Variants in ZNF644 observed in about 807,000 individuals in gnomAD.
ZNF644 encodes zinc finger motif enhancer binding protein 2.
In ZNF644, 20 loss-of-function variants were observed where a neutral mutation model predicts 108.0. That is an observed-to-expected ratio of 0.19 (90% CI 0.13 to 0.27). ZNF644 has a LOEUF of 0.27. Ranked by LOEUF, ZNF644 falls within the 10% of genes least tolerant of loss-of-function variation. The pLI, the probability that ZNF644 is intolerant of heterozygous loss-of-function variation, is 1.00. For synonymous variants in ZNF644, 542 were observed against 539.1 expected (o/e 1.01, Z -0.08); for missense variants, 1,338 against 1,548.9 (o/e 0.86, Z 2.29).
chr1:90,953,748 C>T (rs1339185071), intron 2 of ZNF644, among the ~76,000 whole-genome samples: 2 of 151,884 alleles, frequency 1.3e-5, no homozygotes, highest in African/African-American at 4.8e-5. Context: ...AATCCCATCT[C>T]TACTAAAAAT....
At chr1:90,923,133 G>T (rs535490256) in intron 4 of ZNF644, among the ~76,000 whole-genome samples, 1 of 151,898 alleles carries the variant, frequency 6.6e-6, no homozygotes, top group Admixed American at 6.6e-5. Context: ...CAGCTTCATG[G>T]GTGTCCAACT....
intron 1 of ZNF644, chr1:91,021,690 T>A (rs1270884509): frequency 7.8e-5 from 5 of 64,446 alleles, no homozygotes; most frequent in Non-Finnish European, 1.1e-4. Context: ...GCCGCTCACC[T>A]CAGGCTCCGT....
rs1230698533 is a variant in ZNF644 at position 90,937,737 on chromosome 1, C to T, written c.3436G>A (p.Gly1146Arg). Residue 1146 changes from glycine (G) to arginine (R), a missense_variant, in exon 4 of 6, where the codon GGG becomes AGG. Coordinates refer to ENST00000337393, the MANE Select transcript of ZNF644 (RefSeq NM_201269.3). ...ALSVSASEEE[G>R]LNFLNEYDET... Reference sequence around the variant, plus strand: ...TCATATTCATTTAAGAAATTCAGCCCTTCTTCTTCTGATGCAGACACTGAC... The same window carrying T: ...TCATATTCATTTAAGAAATTCAGCCTTTCTTCTTCTGATGCAGACACTGAC... The T allele has an allele frequency of 6.2e-7, 1 of 1,613,608 alleles. No individual in the cohort carries two copies. The highest frequency in any genetic ancestry group is 1.7e-5 in the Admixed American group (1 of 59,962).
intron 1 of ZNF644, chr1:91,020,710 T>C (rs1297823655): frequency 6.6e-6 from 1 of 152,240 alleles, no homozygotes; most frequent in Non-Finnish European, 1.5e-5. Context: ...TGAAATGTTT[T>C]CCTTCTCATG....
chr1:90,921,461 T>C (rs1426077241), intron 4 of ZNF644, among the ~76,000 whole-genome samples: 1 of 152,048 alleles, frequency 6.6e-6, no homozygotes, highest in Non-Finnish European at 1.5e-5. Context: ...CTTTACAAAG[T>C]ATTTTAAATC....
intron 1 of ZNF644, among the ~76,000 whole-genome samples, chr1:91,017,831 C>T (rs994385673): frequency 6.6e-6 from 1 of 151,904 alleles, no homozygotes; most frequent in Admixed American, 6.6e-5. Context: ...GTGTGGTGGC[C>T]GGCGCCCGTA....
intron 2 of ZNF644, among the ~76,000 whole-genome samples, chr1:90,942,380 A>T (rs985914155): frequency 6.6e-6 from 1 of 152,174 alleles, no homozygotes; most frequent in East Asian, 1.9e-4. Flanking sequence ...TACCCCCACT[A>T]TGAAAAGTTC....
chr1:90,998,853 A>G (rs544505411), intron 1 of ZNF644, among the ~76,000 whole-genome samples: 14 of 152,354 alleles, frequency 9.2e-5, no homozygotes, highest in South Asian at 6.2e-4. Flanking sequence ...AAGTCCTTAC[A>G]TGACCTGATG....
chr1:90,920,980 T>TC (rs1288696949), intron 4 of ZNF644, among the ~76,000 whole-genome samples: 1 of 152,038 alleles, frequency 6.6e-6, no homozygotes, highest in East Asian at 1.9e-4. Context: ...CCAAACCCAC[T>TC]CCTGTGATAC....
chr1:90,971,397 A>C (rs1047803993), intron 2 of ZNF644, among the ~76,000 whole-genome samples: 12 of 151,978 alleles, frequency 7.9e-5, no homozygotes, highest in Non-Finnish European at 1.5e-5. Flanking sequence ...ATGTAATAAA[A>C]GCAATATTCA....
At chr1:90,975,962 T>A (rs1020075074) in intron 2 of ZNF644, among the ~76,000 whole-genome samples, 24 of 152,184 alleles carry the variant, frequency 1.6e-4, no homozygotes, top group African/African-American at 5.8e-4. Flanking sequence ...TTCAAAAAAA[T>A]TAAACTTGTT....
At chr1:90,922,262 T>C (rs1223963845) in intron 4 of ZNF644, among the ~76,000 whole-genome samples, 1 of 152,184 alleles carries the variant, frequency 6.6e-6, no homozygotes, top group East Asian at 1.9e-4. Context: ...TTTAATCCAT[T>C]TCTTTTCTAA....
intron 1 of ZNF644, among the ~76,000 whole-genome samples, chr1:91,005,354 G>A (rs1210729154): frequency 6.6e-6 from 1 of 151,980 alleles, no homozygotes; most frequent in Non-Finnish European, 1.5e-5. Context: ...AGAATTGAAA[G>A]GCAGAATATA....
chr1:90,916,972 A>G lies in ZNF644; in HGVS notation c.3810T>C (p.Phe1270=), dbSNP rs370759505. The change falls in exon 6 of 6, where the codon TTT becomes TTC. Residue 1270 remains phenylalanine, a synonymous_variant. Coordinates refer to ENST00000337393, the MANE Select transcript of ZNF644 (RefSeq NM_201269.3). ...CTTCCTGAACAGACAAGGGTCCTCG[A>G]AAGACTAGGCCACAAAACCTACAGA... ...ILRCRFCGLV[F]RGPLSVQEDW... is the part of the protein sequence containing the mutation. 2 of 1,614,208 alleles carry G rather than the reference A, an allele frequency of 1.2e-6. No individual in the cohort carries two copies. Among genetic ancestry groups the G allele is most frequent in the Non-Finnish European group, 1.7e-6 (2 of 1,180,022 alleles).
chr1:90,985,468 C>T (rs969348559), intron 1 of ZNF644, among the ~76,000 whole-genome samples: 2 of 152,182 alleles, frequency 1.3e-5, no homozygotes, highest in African/African-American at 4.8e-5. Context: ...CATCCACTCC[C>T]CAACCCAGCC....
intron 4 of ZNF644, among the ~76,000 whole-genome samples, chr1:90,920,097 AAATAGAGTTCAGGG>A (rs1649258676): frequency 6.6e-6 from 1 of 152,094 alleles, no homozygotes; most frequent in Non-Finnish European, 1.5e-5. Context: ...CATACACTAG[AAATAGAGTTCAGGG>A]AACTCAAAGA....
chr1:91,021,802 C>T (rs1660962415), intron 1 of ZNF644, 188 bp downstream of exon 1: 1 of 392,538 alleles, frequency 2.5e-6, no homozygotes, highest in Non-Finnish European at 4.5e-6. Flanking sequence ...CCATCTTAGC[C>T]TGTGCGGCAA....
At chr1:90,977,417 T>C (rs568429312) in intron 2 of ZNF644, among the ~76,000 whole-genome samples, 1 of 152,192 alleles carries the variant, frequency 6.6e-6, no homozygotes, top group Non-Finnish European at 1.5e-5. Context: ...GGTATGTTAA[T>C]TGATGGAACT....
chr1:90,985,019 T>C (rs1018534509), intron 1 of ZNF644, among the ~76,000 whole-genome samples: 8 of 152,194 alleles, frequency 5.3e-5, no homozygotes, highest in African/African-American at 1.9e-4. Flanking sequence ...TAAAGGCATA[T>C]ACAAACACCA....
Sources: allele counts gnomAD v4.1 joint callset (sites outside exome capture counted in the v4.1 genomes callset), GRCh38; gene constraint gnomAD v4.1.1; transcripts MANE v1.5; gene names NCBI Gene and HGNC (gene_info 2026-07-23, HGNC 2026-07-21).